WDPCP: variants seen among roughly 807,000 people sequenced by gnomAD.
WDPCP encodes the protein WD repeat-containing and planar cell polarity effector protein fritz homolog.
Under a neutral mutation model 93.1 loss-of-function variants are expected in WDPCP, and 71 were observed. The observed-to-expected ratio is 0.76, with a 90% CI of 0.63 to 0.93. The LOEUF (loss-of-function observed/expected upper bound fraction) is 0.93. WDPCP is among the 40% of genes least tolerant of loss of function. WDPCP has a pLI of 0.00. For missense variants in WDPCP, 844 were observed against 887.4 expected, an observed-to-expected ratio of 0.95 and a Z score of 0.62; for synonymous variants, 315 against 315.0, an observed-to-expected ratio of 1.00 and a Z score of 0.00.
At chr2:63,677,061 G>C (rs1278288809) in intron 2 of WDPCP, among the ~76,000 whole-genome samples, 1 of 152,150 alleles carries the variant, frequency 6.6e-6, no homozygotes, top group Non-Finnish European at 1.5e-5. Context: ...CTTCACTCCA[G>C]ATCAGTTGAA....
In WDPCP at chr2:63,447,669, T is replaced by C. The variant is rs564273161; in HGVS notation, c.385-7798A>G. Among the ~76,000 whole-genome samples, 174 of 152,256 alleles carry C rather than the reference T, an allele frequency of 1.1e-3. 1 individual carries two copies. The highest frequency in any genetic ancestry group is 3.4e-3 in the Middle Eastern group (1 of 294). ...CCAATTTCCATATTTACTAAAAAGA[T>C]TGCCATTAATAATTGTAAAGTATGG... On this transcript the variant is annotated intron_variant, in intron 6 of 17. Transcript: ENST00000272321.
At chr2:63,239,437 G>A (rs1317956781) in intron 14 of WDPCP, among the ~76,000 whole-genome samples, 2 of 152,118 alleles carry the variant, frequency 1.3e-5, no homozygotes, top group Non-Finnish European at 2.9e-5. Flanking sequence ...TTGTAAAATG[G>A]TAAAAACAGG....
At chr2:63,802,227 C>G (rs1309249385) in intron 2 of WDPCP, among the ~76,000 whole-genome samples, 1 of 125,722 alleles carries the variant, frequency 8.0e-6, no homozygotes, top group African/African-American at 3.0e-5. Flanking sequence ...GGGCAGATCA[C>G]TTGCATCCAG....
At chr2:63,834,510 T>C in the WDPCP span, among the ~76,000 whole-genome samples, 1 of 152,190 alleles carries the variant, frequency 6.6e-6, no homozygotes, top group Non-Finnish European at 1.5e-5. Flanking sequence ...ATGTTTTGAA[T>C]GACTTAACGC....
At chr2:63,164,183 G>T (rs1273356042) in intron 15 of WDPCP, among the ~76,000 whole-genome samples, 1 of 152,152 alleles carries the variant, frequency 6.6e-6, no homozygotes, top group Non-Finnish European at 1.5e-5. Flanking sequence ...TGAAATACAA[G>T]AACTAGTTTA....
At chr2:63,565,166 CT>C (rs1309037297) in intron 1 of WDPCP, among the ~76,000 whole-genome samples, 1 of 152,158 alleles carries the variant, frequency 6.6e-6, no homozygotes, top group Non-Finnish European at 1.5e-5. Context: ...CATGAAAAGG[CT>C]GAACACAGAA....
intron 1 of WDPCP, among the ~76,000 whole-genome samples, chr2:63,577,613 A>T (rs372127073): frequency 1.3e-5 from 2 of 152,202 alleles, no homozygotes; most frequent in Non-Finnish European, 2.9e-5. Context: ...ACTGTTCTAC[A>T]TTTTTAATAT....
intron 13 of WDPCP, among the ~76,000 whole-genome samples, chr2:63,274,390 C>T (rs1043987232): frequency 3.3e-5 from 5 of 151,986 alleles, no homozygotes; most frequent in African/African-American, 1.2e-4. Context: ...AAGAAGATTT[C>T]AAATAAACTA....
intron 2 of WDPCP, among the ~76,000 whole-genome samples, chr2:63,705,298 T>A (rs1418474426): frequency 6.6e-6 from 1 of 152,228 alleles, no homozygotes; most frequent in African/African-American, 2.4e-5. Context: ...CTCTGTTTCC[T>A]TCAGTTCTGC....
intron 12 of WDPCP, among the ~76,000 whole-genome samples, chr2:63,364,319 C>T (rs150000978): frequency 2.6e-5 from 4 of 152,236 alleles, no homozygotes; most frequent in Admixed American, 6.5e-5. Context: ...ATAATATTCT[C>T]GGGTCACACT....
At chr2:63,630,643 T>C (rs1399224571) in intron 3 of WDPCP, among the ~76,000 whole-genome samples, 3 of 152,074 alleles carry the variant, frequency 2.0e-5, no homozygotes, top group Non-Finnish European at 4.4e-5. Context: ...CTGATAGGAT[T>C]AATGAGATAG....
chr2:63,669,725 T>G (rs552132823), intron 2 of WDPCP, among the ~76,000 whole-genome samples: 1 of 152,230 alleles, frequency 6.6e-6, no homozygotes, highest in Admixed American at 6.5e-5. Flanking sequence ...TCTTGTTACA[T>G]GCATTTGCTC....
In WDPCP at chr2:63,808,921, C is replaced by T. The variant is rs543509482; in HGVS notation, n.308+4701G>A. Among the ~76,000 whole-genome samples the T allele has an allele frequency of 3.3e-5, 5 of 151,964 alleles. No individual in the cohort carries two copies. In the South Asian group the frequency reaches 1.0e-3, roughly 32 times the overall value. The stretch of plus-strand genomic sequence containing the variant: ...GGAGCGCCTCTTCCCGGCCGCCATC[C>T]CATCTAGGAAGTGAGGAGTGTCTCT... On this transcript the variant is annotated intron_variant and non_coding_transcript_variant, in intron 2 of 4. Coordinates refer to the WDPCP transcript ENST00000467687.
intron 13 of WDPCP, among the ~76,000 whole-genome samples, chr2:63,282,651 A>T (rs1683658482): frequency 6.6e-6 from 1 of 152,236 alleles, no homozygotes; most frequent in Non-Finnish European, 1.5e-5. Context: ...TGATGATGTT[A>T]CTTTACAGCC....
intron 2 of WDPCP, among the ~76,000 whole-genome samples, chr2:63,755,085 G>A (rs1439131279): frequency 2.0e-5 from 3 of 152,156 alleles, no homozygotes; most frequent in South Asian, 2.1e-4. Context: ...CCCTCATGAC[G>A]TAGTAGCTGA....
intron 1 of WDPCP, among the ~76,000 whole-genome samples, chr2:63,530,800 G>T (rs1292142970): frequency 6.6e-6 from 1 of 152,186 alleles, no homozygotes; most frequent in Non-Finnish European, 1.5e-5. Flanking sequence ...GGTGATTTCT[G>T]CATTTCCAAC....
intron 2 of WDPCP, among the ~76,000 whole-genome samples, chr2:63,785,630 ATTG>A (rs1162275536): frequency 1.3e-5 from 2 of 152,070 alleles, no homozygotes; most frequent in Middle Eastern, 3.2e-3. Context: ...TCTATATTTT[ATTG>A]TTGTTGGTTA....
intron 1 of WDPCP, among the ~76,000 whole-genome samples, chr2:63,505,828 C>T (rs1329509359): frequency 6.6e-6 from 1 of 152,048 alleles, no homozygotes; most frequent in Non-Finnish European, 1.5e-5. Context: ...TGGCACCATG[C>T]TAGGCATTCA....
chr2:63,812,834 C>T (rs940507554), intron 2 of WDPCP, among the ~76,000 whole-genome samples: 1 of 152,034 alleles, frequency 6.6e-6, no homozygotes, highest in Non-Finnish European at 1.5e-5. Flanking sequence ...TAATCTATGT[C>T]CCCCATCTAA....
Sources: gnomAD v4.1 joint callset for allele counts (sites outside exome capture counted in the v4.1 genomes callset) on GRCh38, gnomAD v4.1.1 for gene constraint, MANE v1.5 for transcripts, NCBI Gene and HGNC (gene_info 2026-07-23, HGNC 2026-07-21) for gene names.